The following ERAP1 variants were observed in gnomAD, a reference collection of about 807,000 sequenced individuals.
ERAP1 encodes the protein endoplasmic reticulum aminopeptidase 1.
A neutral mutation model predicts 103.7 loss-of-function variants in ERAP1; 86 were observed. That is an observed-to-expected ratio of 0.83 (90% CI 0.70 to 0.99). The LOEUF (loss-of-function observed/expected upper bound fraction) is 0.99, where lower values mean the gene tolerates loss of function less well. Ranked by LOEUF, ERAP1 falls within the 50% of genes least tolerant of loss-of-function variation. The probability of loss-of-function intolerance (pLI) is 0.00; values close to 1 mark genes in which losing one functional copy is unlikely to be tolerated. For missense variants in ERAP1, 1,009 were observed against 1,128.4 expected (o/e 0.89, Z 1.52); for synonymous variants, 398 against 402.4 (o/e 0.99, Z 0.13).
intron 4 of ERAP1, among the ~76,000 whole-genome samples, chr5:96,796,238 G>C (rs1235389875): frequency 2.0e-5 from 3 of 152,146 alleles, no homozygotes; most frequent in Non-Finnish European, 4.4e-5. Flanking sequence ...AACACATAAG[G>C]TATCTTCAAA....
chr5:96,799,061 T>TTA (rs1777687421), intron 3 of ERAP1, among the ~76,000 whole-genome samples: 1 of 151,788 alleles, frequency 6.6e-6, no homozygotes, highest in Admixed American at 6.6e-5. Context: ...AGACAGGGTT[T>TTA]TACCATGTTG....
chr5:96,804,259 T>C (rs889408102), intron 1 of ERAP1: 6 of 383,158 alleles, frequency 1.6e-5, no homozygotes, highest in African/African-American at 1.3e-4. Flanking sequence ...AGAAAAGGAA[T>C]CATTAGGGGA....
intron 13 of ERAP1, chr5:96,785,200 G>GAAA: frequency 6.5e-6 from 1 of 153,324 alleles, no homozygotes; most frequent in Non-Finnish European, 1.4e-5. Flanking sequence ...CATGGGGGAG[G>GAAA]AAAAAAAAAG....
At chr5:96,846,906 T>A in the ERAP1 span, among the ~76,000 whole-genome samples, 5 of 152,080 alleles carry the variant, frequency 3.3e-5, no homozygotes, top group East Asian at 9.7e-4. Context: ...AACTGGTCAT[T>A]GGAATGGCAT....
chr5:96,794,312 G>C (rs469674), intron 5 of ERAP1, among the ~76,000 whole-genome samples: 107,104 of 150,618 alleles, frequency 0.71, 38,639 homozygotes, highest in Non-Finnish European at 0.79. Context: ...TCTCAGCCTT[G>C]CAAGTAGCTG....
chr5:96,904,376 T>C, the ERAP1 span, among the ~76,000 whole-genome samples: 1 of 152,220 alleles, frequency 6.6e-6, no homozygotes, highest in Admixed American at 6.5e-5. Flanking sequence ...TTACTCAATG[T>C]GACATATAAT....
the ERAP1 span, among the ~76,000 whole-genome samples, chr5:96,852,624 T>A: frequency 6.6e-6 from 1 of 152,222 alleles, no homozygotes; most frequent in African/African-American, 2.4e-5. Context: ...AATTTAGTAC[T>A]TTCCTACTTT....
chr5:96,839,306 C>T, the ERAP1 span, among the ~76,000 whole-genome samples: 1 of 152,168 alleles, frequency 6.6e-6, no homozygotes, highest in Non-Finnish European at 1.5e-5. Context: ...AGCTCCCCTC[C>T]CCACCACCCC....
chr5:96,767,445 C>G lies in ERAP1; in HGVS notation c.2819-4217G>C, dbSNP rs376749892. ...GTCTGCCTTCTTTTTAAGGACAAAC[C>G]AGTGAAGCCACCTACAAAGAAATCA... On this transcript the variant is annotated intron_variant, in intron 19 of 19. Transcript: ENST00000296754. 262 of 1,612,114 alleles carry G rather than the reference C, an allele frequency of 1.6e-4. No individual in the cohort carries two copies. Among genetic ancestry groups the G allele is most frequent in the Non-Finnish European group, 2.1e-4 (243 of 1,178,460 alleles).
chr5:96,795,055 G>C lies in ERAP1; in HGVS notation c.906C>G (p.Pro302=). 1 of 1,613,978 alleles carries C rather than the reference G, an allele frequency of 6.2e-7. No individual in the cohort carries two copies. The highest frequency in any genetic ancestry group is 8.5e-7 in the Non-Finnish European group (1 of 1,179,962). Residue 302 remains proline (P), a synonymous_variant, in exon 5 of 19, where the codon CCC becomes CCG. Coordinates refer to ENST00000443439, the MANE Select transcript of ERAP1 (RefSeq NM_001040458.3). ...CAAAATCTCTACCTTGTTTGGGTAG[G>C]GGATACGGTATGCTGAAATAATCCT... ...FYEDYFSIPY[P]LPKQDLAAIP...
the ERAP1 span, among the ~76,000 whole-genome samples, chr5:96,891,798 A>G: frequency 6.6e-6 from 1 of 152,122 alleles, no homozygotes; most frequent in Non-Finnish European, 1.5e-5. Flanking sequence ...AGAAATATCA[A>G]TCGAAATATT....
At chr5:96,860,713 C>T in the ERAP1 span, among the ~76,000 whole-genome samples, 1 of 152,088 alleles carries the variant, frequency 6.6e-6, no homozygotes. Flanking sequence ...GGCTAGAATT[C>T]AGGGGAGTGG....
the ERAP1 span, among the ~76,000 whole-genome samples, chr5:96,923,551 G>C: frequency 6.6e-6 from 1 of 151,920 alleles, no homozygotes; most frequent in African/African-American, 2.4e-5. Context: ...AAAATTAGCC[G>C]GGCGCAGTGG....
At chr5:96,877,013 C>T in the ERAP1 span, among the ~76,000 whole-genome samples, 3 of 152,108 alleles carry the variant, frequency 2.0e-5, no homozygotes, top group Admixed American at 6.6e-5. Flanking sequence ...CTCGCTCTGT[C>T]GCCCAGGCTG....
chr5:96,827,667 A>ATAAG, the ERAP1 span, among the ~76,000 whole-genome samples: 1 of 152,022 alleles, frequency 6.6e-6, no homozygotes, highest in African/African-American at 2.4e-5. Flanking sequence ...TCATCTCAAA[A>ATAAG]TAAATAAATA....
chr5:96,891,768 T>A, the ERAP1 span, among the ~76,000 whole-genome samples: 1 of 152,110 alleles, frequency 6.6e-6, no homozygotes, highest in Non-Finnish European at 1.5e-5. Context: ...CATGTGCTCA[T>A]AATAGAGGCT....
the ERAP1 span, among the ~76,000 whole-genome samples, chr5:96,848,252 T>C: frequency 0.048 from 7,257 of 152,210 alleles, 209 homozygotes; most frequent in South Asian, 0.11. Context: ...GATTTCACCA[T>C]GTTGGCCAGG....
rs1281209890 is a variant in ERAP1, at chr5:96,781,110, A to G, written c.2536T>C (p.Tyr846His). 6.2e-7 allele frequency: 1 copy of G among 1,613,690 alleles called. No individual in the cohort carries two copies. Among genetic ancestry groups the G allele is most frequent in the East Asian group, 2.2e-5 (1 of 44,864 alleles). Residue 846 changes from tyrosine to histidine, a missense_variant, in exon 17 of 19, where the codon TAC becomes CAC. This residue lies in a region of ERAP1 where 611 missense variants were observed against 651.7 expected (regional missense o/e 0.94). Transcript: ENST00000443439. ...LTLIGRNPVG[Y>H]PLAWQFLRKN... ...CTCAGAAATTGCCAGGCCAGTGGGT[A>G]TCCTACTGGGTTCCTGCCAATGAGT... is the stretch of plus-strand genomic sequence containing the variant.
chr5:96,843,813 G>C, the ERAP1 span, among the ~76,000 whole-genome samples: 1 of 152,256 alleles, frequency 6.6e-6, no homozygotes, highest in Admixed American at 6.5e-5. Flanking sequence ...TCAAGTCCAA[G>C]AGCCAGAGGT....
Sources: gnomAD v4.1 joint callset for allele counts (sites outside exome capture counted in the v4.1 genomes callset) on GRCh38, gnomAD v4.1.1 for gene constraint, gnomAD v4.1.1 regional missense constraint, MANE v1.5 for transcripts, NCBI Gene and HGNC (gene_info 2026-07-23, HGNC 2026-07-21) for gene names.